ZNF737: variants seen among roughly 807,000 people sequenced by gnomAD.
The protein encoded by ZNF737 is zinc finger protein 102 (Y3).
Under a neutral mutation model 11.7 loss-of-function variants are expected in ZNF737, and 13 were observed. That is an observed-to-expected ratio of 1.11 (90% confidence interval 0.73 to 1.77). The LOEUF (loss-of-function observed/expected upper bound fraction) is 1.77, where lower values mean the gene tolerates loss of function less well. Among genes scored for constraint, ZNF737 ranks in the 40% most tolerant of loss-of-function variants. ZNF737 has a pLI of 0.00. For synonymous variants in ZNF737, 217 were observed against 216.2 expected, an observed-to-expected ratio of 1.00 and a Z score of -0.03; for missense variants, 636 against 638.0, an observed-to-expected ratio of 1.00 and a Z score of 0.03.
chr19:20,531,372 T>C (rs987939933), downstream of ZNF737, among the ~76,000 whole-genome samples: 2 of 149,920 alleles, frequency 1.3e-5, no homozygotes, highest in South Asian at 4.3e-4. Flanking sequence ...TTCTATATGG[T>C]GTATCTATTA....
At chr19:20,565,328 C>T (rs1433746818) in intron 1 of ZNF737, among the ~76,000 whole-genome samples, 1 of 152,200 alleles carries the variant, frequency 6.6e-6, no homozygotes. Flanking sequence ...CAGGATTCTC[C>T]CCTGACGACC....
rs111988999 is a variant in ZNF737, at chr19:20,553,833, C to T, written c.6G>A (p.Gly2=). The T allele has an allele frequency of 9.4e-3, 15,159 of 1,612,432 alleles. 1,199 individuals are homozygous for T. The African/African-American group carries it at 0.17, about 18-fold the overall frequency. The stretch of plus-strand genomic sequence containing the variant: ...TGGCCACGTCTCTAAATTGCAATGG[C>T]CCCTGAAACACACACACAACATACG... M[G]PLQFRDVAIE... Residue 2 remains glycine, a splice_region_variant and synonymous_variant, in exon 2 of 4, where the codon GGG becomes GGA. Transcript: ENST00000427401.
At position 20,539,330 on chromosome 19, in the gene ZNF737, C is replaced by T. The variant is rs33936; in HGVS notation, c.*5262G>A. On this transcript the variant is annotated 3_prime_UTR_variant, in exon 4 of 4. Coordinates refer to ENST00000427401, the MANE Select transcript of ZNF737 (RefSeq NM_001159293.2). The stretch of plus-strand genomic sequence containing the variant: ...AATTCTTTCTTCAATTACTTGGAAA[C>T]CCTGGGAAGCCCCTATAAAATACTC... The T allele has an allele frequency of 0.045, 44,192 of 984,500 alleles. 1,169 individuals are homozygous for T. Among genetic ancestry groups the T allele is most frequent in the East Asian group, 0.19 (1,651 of 8,796 alleles). The allele number at this position is 984,500 out of a possible 1,614,324, so 61.0% of individuals were successfully genotyped here.
At chr19:20,554,062 T>C (rs1444212675) in intron 1 of ZNF737, among the ~76,000 whole-genome samples, 2 of 152,238 alleles carry the variant, frequency 1.3e-5, no homozygotes, top group African/African-American at 4.8e-5. Context: ...TTCTAGATAG[T>C]AAAGTGTAAA....
At position 20,544,186 on chromosome 19, in the gene ZNF737, G is replaced by T; in HGVS notation, c.*406C>A. The T allele has an allele frequency of 9.9e-7, 1 of 1,009,936 alleles. No homozygotes were observed. The highest frequency in any genetic ancestry group is 1.2e-6 in the Non-Finnish European group (1 of 845,182). 62.6% of individuals were successfully genotyped at this position (1,009,936 alleles called of 1,614,324 possible). A position where few individuals can be genotyped will look rare whatever the true frequency, so the allele number is the denominator to read the frequency against. The stretch of plus-strand genomic sequence containing the variant: ...TTTGCCACATTCCTCAAACTTGTAG[G>T]ATTTTTGTCCAGCATGAATTATGTG... On this transcript the variant is annotated 3_prime_UTR_variant, in exon 4 of 4. Transcript: ENST00000427401.
chr19:20,545,719 TG>T lies in ZNF737; in HGVS notation c.483del (p.Asn161LysfsTer5). On this transcript the variant is annotated frameshift_variant, in exon 4 of 4. Transcript: ENST00000427401. LOFTEE classifies it low-confidence loss of function (END_TRUNC). Reference sequence around the variant, plus strand: ...TTTCCAGTATGTCTTATCTTATGTCTGTTTGAATTTGAAAATTTATGAATGA... The same window carrying T: ...TTTCCAGTATGTCTTATCTTATGTCTTTTGAATTTGAAAATTTATGAATGA... Reference protein sequence around the residue: ...VKVIHKFSNSNRHKIRHTGKK... With the variant: ...VKVIHKFSNSXRHKIRHTGKK... 6.2e-7 allele frequency: 1 copy of T among 1,612,880 alleles called. No individual in the cohort carries two copies. Among genetic ancestry groups the T allele is most frequent in the Non-Finnish European group, 8.5e-7 (1 of 1,179,484 alleles).
chr19:20,548,990 ATCTTTTTG>A (rs1968569407), intron 3 of ZNF737, among the ~76,000 whole-genome samples: 3 of 128,370 alleles, frequency 2.3e-5, no homozygotes, highest in Non-Finnish European at 3.3e-5. Context: ...ACAATTATGT[ATCTTTTTG>A]AAATTTACTT....
At chr19:20,533,359 G>A (rs1254602070), downstream of ZNF737, among the ~76,000 whole-genome samples, 1 of 149,548 alleles carries the variant, frequency 6.7e-6, no homozygotes, top group Non-Finnish European at 1.5e-5. Flanking sequence ...CACATTCAAT[G>A]TCTTTATTCT....
intron 3 of ZNF737, among the ~76,000 whole-genome samples, chr19:20,551,940 ACT>A (rs1555758552): frequency 6.9e-6 from 1 of 145,558 alleles, no homozygotes; most frequent in East Asian, 2.0e-4. Context: ...ATGAAAATAA[ACT>A]CTGAATAGCC....
intron 1 of ZNF737, among the ~76,000 whole-genome samples, chr19:20,555,559 A>G (rs894248371): frequency 1.3e-5 from 2 of 152,228 alleles, no homozygotes; most frequent in Admixed American, 6.5e-5. Context: ...CATGTTCTCC[A>G]TCTTTACTAA....
chr19:20,565,347 G>A (rs1158158202), intron 1 of ZNF737, among the ~76,000 whole-genome samples: 1 of 152,196 alleles, frequency 6.6e-6, no homozygotes, highest in Non-Finnish European at 1.5e-5. Flanking sequence ...CCCTCTGGTG[G>A]TCCCTGCACA....
chr19:20,534,248 T>C (rs1967898263), downstream of ZNF737, among the ~76,000 whole-genome samples: 1 of 149,908 alleles, frequency 6.7e-6, no homozygotes, highest in African/African-American at 2.5e-5. Context: ...TTGAGACCAG[T>C]CTGGCCAATA....
At chr19:20,562,838 GAGTC>G (rs1395393165) in intron 1 of ZNF737, among the ~76,000 whole-genome samples, 1 of 152,086 alleles carries the variant, frequency 6.6e-6, no homozygotes, top group African/African-American at 2.4e-5. Flanking sequence ...CCCTCAGTCT[GAGTC>G]AGCATACAAC....
rs573013904 is a variant in ZNF737 at position 20,543,171 on chromosome 19, ACT to A, written c.*1419_*1420del. 3.2e-4 allele frequency: 308 copies of A among 971,976 alleles called. 1 individual carries two copies. In the African/African-American group the frequency reaches 4.6e-3, roughly 15 times the overall value. The allele number at this position is 971,976 out of a possible 1,614,324, so 60.2% of individuals were successfully genotyped here. The stretch of plus-strand genomic sequence containing the variant: ...TCTGCAAAATTATATTTTAGCATAA[ACT>A]CTCTGTTGTTTTCTAAGCTGTAGTT... On this transcript the variant is annotated 3_prime_UTR_variant, in exon 4 of 4. Coordinates refer to ENST00000427401, the MANE Select transcript of ZNF737 (RefSeq NM_001159293.2).
At chr19:20,551,227 A>AC (rs1323028921) in intron 3 of ZNF737, 1 of 152,066 alleles carries the variant, frequency 6.6e-6, no homozygotes, top group Non-Finnish European at 1.5e-5. Context: ...GGAGTTTGAG[A>AC]CCACCCTTGC....
At chr19:20,565,282 C>CA (rs1291338872) in intron 1 of ZNF737, among the ~76,000 whole-genome samples, 1 of 152,244 alleles carries the variant, frequency 6.6e-6, no homozygotes, top group South Asian at 2.1e-4. Flanking sequence ...CTCCACGGAC[C>CA]AAAGCTCTTC....
At chr19:20,563,485 ACT>A (rs1491427982) in intron 1 of ZNF737, among the ~76,000 whole-genome samples, 37 of 94,188 alleles carry the variant, frequency 3.9e-4, no homozygotes, top group African/African-American at 1.6e-3. Flanking sequence ...GGAAGTGCTT[ACT>A]TTTTTTTTTT....
rs1968215037 is a variant in ZNF737, at chr19:20,541,756, A to G, written c.*2836T>C. Among the ~76,000 whole-genome samples the G allele has an allele frequency of 6.6e-6, 1 of 152,216 alleles. No individual in the cohort carries two copies. Among genetic ancestry groups the G allele is most frequent in the Admixed American group, 6.5e-5 (1 of 15,270 alleles). Reference sequence around the variant, plus strand: ...TTATTTACATTTTTGTATAATTATTATGATCATAGAAATAATTCTGTAGTC... The same window carrying G: ...TTATTTACATTTTTGTATAATTATTGTGATCATAGAAATAATTCTGTAGTC... On this transcript the variant is annotated 3_prime_UTR_variant, in exon 4 of 4. Transcript: ENST00000427401.
At chr19:20,547,877 G>A (rs1968513667) in intron 3 of ZNF737, among the ~76,000 whole-genome samples, 2 of 152,086 alleles carry the variant, frequency 1.3e-5, no homozygotes, top group Non-Finnish European at 2.9e-5. Flanking sequence ...CAGGCCAGGT[G>A]CAGTGGCTCA....
Sources: gnomAD v4.1 joint callset for allele counts (sites outside exome capture counted in the v4.1 genomes callset) on GRCh38, gnomAD v4.1.1 for gene constraint, MANE v1.5 for transcripts, NCBI Gene and HGNC (gene_info 2026-07-23, HGNC 2026-07-21) for gene names.